The following TMEM243 variants were observed in gnomAD, a reference collection of about 807,000 sequenced individuals.
TMEM243 encodes the protein MDR1 and mitochondrial taxol resistance associated.
Under a neutral mutation model 15.0 loss-of-function variants are expected in TMEM243, and 20 were observed. The observed-to-expected ratio is 1.33, with a 90% CI of 0.94 to 1.93. TMEM243 has a LOEUF of 1.93. Ranked by LOEUF, TMEM243 falls within the 30% of genes most tolerant of loss-of-function variation. TMEM243 has a pLI of 0.00. For missense variants in TMEM243, 156 were observed against 142.1 expected (o/e 1.10, Z -0.50); for synonymous variants, 72 against 52.7 (o/e 1.37, Z -1.59).
chr7:87,197,916 T>C, intron 3 of TMEM243, 25 bp downstream of exon 3: 1 of 1,612,762 alleles, frequency 6.2e-7, no homozygotes, highest in Non-Finnish European at 8.5e-7. Context: ...TCAAGAACAC[T>C]GTTTAAATTC....
chr7:87,204,630 T>C (rs1802072835), intron 1 of TMEM243, among the ~76,000 whole-genome samples: 1 of 152,224 alleles, frequency 6.6e-6, no homozygotes, highest in African/African-American at 2.4e-5. Flanking sequence ...ATGTCTCACA[T>C]CCAGGTCATG....
intron 1 of TMEM243, among the ~76,000 whole-genome samples, chr7:87,209,506 G>A (rs1180419806): frequency 5.4e-5 from 7 of 130,254 alleles, no homozygotes; most frequent in African/African-American, 2.1e-4. Context: ...GAGAGAGAGT[G>A]AGAAAGACAG....
chr7:87,213,938 C>G (rs1387589171), intron 1 of TMEM243, among the ~76,000 whole-genome samples: 1 of 152,150 alleles, frequency 6.6e-6, no homozygotes, highest in East Asian at 1.9e-4. Flanking sequence ...TACCTTCTCC[C>G]CAAATCATTG....
chr7:87,197,712 TTTTTAA>T, intron 3 of TMEM243: 62 of 849,462 alleles, frequency 7.3e-5, no homozygotes, highest in Middle Eastern at 1.0e-3. Flanking sequence ...TTTTTTTTTT[TTTTTAA>T]GCTATCAAGG....
chr7:87,204,410 C>A (rs959437512), intron 1 of TMEM243, among the ~76,000 whole-genome samples: 3 of 152,176 alleles, frequency 2.0e-5, no homozygotes, highest in African/African-American at 7.2e-5. Flanking sequence ...AGCATTAACT[C>A]AAAAGTCCAC....
Position 87,219,611 on chromosome 7 carries a change from C to A in TMEM243, c.-108G>T, listed in dbSNP as rs982894684. Reference sequence around the variant, plus strand: ...CTCCTCCTCACGGCTCCCGCATAGCCGAACCCGAGTGGTCGGGGAAGCGCT... The same window carrying A: ...CTCCTCCTCACGGCTCCCGCATAGCAGAACCCGAGTGGTCGGGGAAGCGCT... On this transcript the variant is annotated 5_prime_UTR_variant, in exon 1 of 4. Transcript: ENST00000257637. 13 of 1,010,992 alleles carry A rather than the reference C, an allele frequency of 1.3e-5. No homozygotes were observed. The highest frequency in any genetic ancestry group is 1.4e-5 in the South Asian group (1 of 70,456). The allele number at this position is 1,010,992 out of a possible 1,614,324, so 62.6% of individuals were successfully genotyped here.
intron 3 of TMEM243, among the ~76,000 whole-genome samples, chr7:87,197,261 G>T (rs1467956138): frequency 6.6e-6 from 1 of 152,070 alleles, no homozygotes; most frequent in African/African-American, 2.4e-5. Flanking sequence ...ATCAGTGAAT[G>T]AGAACACTTG....
intron 1 of TMEM243, among the ~76,000 whole-genome samples, chr7:87,216,427 C>A (rs1803129099): frequency 6.6e-6 from 1 of 152,132 alleles, no homozygotes; most frequent in South Asian, 2.1e-4. Flanking sequence ...ATATGAGTTA[C>A]AAAGTGAGAC....
intron 1 of TMEM243, among the ~76,000 whole-genome samples, chr7:87,217,102 G>A (rs1275247601): frequency 6.6e-6 from 1 of 152,214 alleles, no homozygotes; most frequent in Non-Finnish European, 1.5e-5. Context: ...TTGCCTTAGA[G>A]CTTGCACCTA....
intron 1 of TMEM243, among the ~76,000 whole-genome samples, chr7:87,218,138 T>A: frequency 6.6e-6 from 1 of 152,224 alleles, no homozygotes. Context: ...CACATCACAT[T>A]TGTCTACGTT....
upstream of TMEM243, chr7:87,219,836 C>T (rs1803383590): frequency 2.8e-6 from 1 of 351,812 alleles, no homozygotes; most frequent in Non-Finnish European, 5.2e-6. Context: ...GGCTCTCCGC[C>T]CCTCTGGGCC....
At chr7:87,201,992 T>G (rs2129224130) in intron 1 of TMEM243, among the ~76,000 whole-genome samples, 1 of 152,304 alleles carries the variant, frequency 6.6e-6, no homozygotes, top group African/African-American at 2.4e-5. Context: ...CTGCAACAGG[T>G]TTAGAGATAG....
chr7:87,214,784 A>G (rs935450182), intron 1 of TMEM243, among the ~76,000 whole-genome samples: 4 of 152,214 alleles, frequency 2.6e-5, no homozygotes, highest in African/African-American at 4.8e-5. Flanking sequence ...CTGATTTCAG[A>G]TATTTTTTCG....
In TMEM243 at chr7:87,199,021, A is replaced by T. The variant is rs1211106953; in HGVS notation, c.115T>A (p.Ser39Thr). Residue 39 changes from serine (S) to threonine (T), a missense_variant, in exon 2 of 4, where the codon TCC (serine) becomes ACC (threonine). Transcript: ENST00000257637. Reference sequence around the variant, plus strand: ...AGGATACTTACTAGAATCAATAAGGATGTTAAGCTGCCAACAACTAAATTG... The same window carrying T: ...AGGATACTTACTAGAATCAATAAGGTTGTTAAGCTGCCAACAACTAAATTG... ...IINLVVGSLTSLLILVTLISA... is the reference protein window; with the variant it reads ...IINLVVGSLTTLLILVTLISA... 6.2e-7 allele frequency: 1 copy of T among 1,605,328 alleles called. No homozygotes were observed. The highest frequency in any genetic ancestry group is 1.3e-5 in the African/African-American group (1 of 74,140).
chr7:87,196,890 T>C (rs565442408), intron 3 of TMEM243, 132 bp from the exon 4 acceptor site: 31 of 628,500 alleles, frequency 4.9e-5, no homozygotes, highest in African/African-American at 4.3e-4. Context: ...GGTCTCTACA[T>C]TCCTGAGATC....
chr7:87,208,084 G>A (rs1201299463), intron 1 of TMEM243, among the ~76,000 whole-genome samples: 2 of 152,166 alleles, frequency 1.3e-5, no homozygotes, highest in African/African-American at 4.8e-5. Flanking sequence ...TAGAGACACA[G>A]CCAAACCATA....
intron 2 of TMEM243, 21 bp from the exon 3 acceptor site, chr7:87,198,066 T>C: frequency 6.3e-7 from 1 of 1,598,370 alleles, no homozygotes. Context: ...AGAAATTATG[T>C]AAGGCCTTAA....
At chr7:87,215,756 A>G (rs1219000065) in intron 1 of TMEM243, among the ~76,000 whole-genome samples, 1 of 152,252 alleles carries the variant, frequency 6.6e-6, no homozygotes, top group African/African-American at 2.4e-5. Context: ...TTCATAAGAT[A>G]GCCAACCTAA....
intron 3 of TMEM243, among the ~76,000 whole-genome samples, chr7:87,197,484 A>T (rs1801392542): frequency 6.6e-6 from 1 of 152,024 alleles, no homozygotes. Context: ...ATTTCCCAGG[A>T]GGTTTTGGTG....
Sources: allele counts gnomAD v4.1 joint callset (sites outside exome capture counted in the v4.1 genomes callset), GRCh38; gene constraint gnomAD v4.1.1; transcripts MANE v1.5; gene names NCBI Gene and HGNC (gene_info 2026-07-23, HGNC 2026-07-21).